ATF6: variants seen among roughly 807,000 people sequenced by gnomAD.
ATF6 encodes the protein activating transcription factor 6.
In ATF6, 53 loss-of-function variants were observed where a neutral mutation model predicts 83.6. The ratio of observed to expected loss-of-function variants is 0.63; its 90% CI spans 0.51 to 0.80. The LOEUF is 0.80. Among genes scored for constraint, ATF6 ranks in the 30% least tolerant of loss-of-function variants. The pLI, the probability that ATF6 is intolerant of heterozygous loss-of-function variation, is 0.00. For synonymous variants in ATF6, 288 were observed against 285.8 expected (o/e 1.01, Z -0.08); for missense variants, 744 against 797.9 (o/e 0.93, Z 0.81).
At chr1:161,819,892 C>A in intron 8 of ATF6, 74 bp downstream of exon 8, 1 of 1,279,388 alleles carries the variant, frequency 7.8e-7, no homozygotes, top group Non-Finnish European at 1.0e-6. Context: ...GAAACTTTTA[C>A]ATTTTAAATT....
At chr1:161,851,186 C>A (rs1190071904) in intron 10 of ATF6, among the ~76,000 whole-genome samples, 1 of 138,926 alleles carries the variant, frequency 7.2e-6, no homozygotes, top group Non-Finnish European at 1.5e-5. Flanking sequence ...ACCTGTTTTA[C>A]AGATACTATC....
chr1:161,870,026 A>T (rs990614176), intron 14 of ATF6, among the ~76,000 whole-genome samples: 1 of 150,620 alleles, frequency 6.6e-6, no homozygotes, highest in African/African-American at 2.4e-5. Flanking sequence ...TAATACAGTG[A>T]TTTTTTTTTC....
intron 6 of ATF6, among the ~76,000 whole-genome samples, chr1:161,800,118 A>C (rs930452410): frequency 6.6e-6 from 1 of 152,134 alleles, no homozygotes; most frequent in Admixed American, 6.6e-5. Context: ...TTTTTAATAG[A>C]TTAGTGTTAT....
chr1:161,780,982 T>A (rs1684624606), intron 2 of ATF6, among the ~76,000 whole-genome samples: 1 of 152,222 alleles, frequency 6.6e-6, no homozygotes, highest in African/African-American at 2.4e-5. Context: ...TTATCATTTG[T>A]GACATTAAGT....
At chr1:161,767,917 G>A (rs1684304054) in intron 1 of ATF6, among the ~76,000 whole-genome samples, 1 of 152,092 alleles carries the variant, frequency 6.6e-6, no homozygotes, top group Non-Finnish European at 1.5e-5. Context: ...GTGTAATGGC[G>A]CAATCTTGGC....
chr1:161,775,634 G>C (rs1228555704), intron 1 of ATF6, among the ~76,000 whole-genome samples: 1 of 151,776 alleles, frequency 6.6e-6, no homozygotes, highest in Non-Finnish European at 1.5e-5. Context: ...ATTCATATTG[G>C]GGCCTTTGTT....
intron 14 of ATF6, among the ~76,000 whole-genome samples, chr1:161,895,656 G>A (rs1233078221): frequency 1.3e-5 from 2 of 152,190 alleles, no homozygotes. Context: ...CTGTGAGAAT[G>A]TCTAGATATT....
At chr1:161,845,242 G>A (rs1284262540) in intron 9 of ATF6, among the ~76,000 whole-genome samples, 2 of 152,110 alleles carry the variant, frequency 1.3e-5, no homozygotes, top group Non-Finnish European at 2.9e-5. Context: ...TCAAAGAACC[G>A]CTTTTCCTTT....
At chr1:161,768,686 C>A (rs1287724847) in intron 1 of ATF6, among the ~76,000 whole-genome samples, 4 of 152,116 alleles carry the variant, frequency 2.6e-5, no homozygotes, top group Admixed American at 1.3e-4. Flanking sequence ...ATCTGAGCCT[C>A]CTGAGTCGCT....
At chr1:161,812,480 C>T (rs1343961233) in intron 7 of ATF6, among the ~76,000 whole-genome samples, 2 of 132,958 alleles carry the variant, frequency 1.5e-5, no homozygotes, top group African/African-American at 2.7e-5. Flanking sequence ...GCAAGCTCCG[C>T]CTCCCGGGTT....
At chr1:161,841,356 C>G (rs923016354) in intron 9 of ATF6, among the ~76,000 whole-genome samples, 1 of 152,024 alleles carries the variant, frequency 6.6e-6, no homozygotes, top group Admixed American at 6.6e-5. Flanking sequence ...TCATAGAGTT[C>G]AAGTATTTAA....
At chr1:161,875,775 T>C (rs1341776230) in intron 14 of ATF6, among the ~76,000 whole-genome samples, 1 of 151,876 alleles carries the variant, frequency 6.6e-6, no homozygotes, top group African/African-American at 2.4e-5. Flanking sequence ...ACAAGTGGTT[T>C]TCCTCTAGAC....
intron 14 of ATF6, among the ~76,000 whole-genome samples, chr1:161,905,688 T>TA (rs1249183904): frequency 6.6e-6 from 1 of 152,228 alleles, no homozygotes; most frequent in Non-Finnish European, 1.5e-5. Flanking sequence ...CTCAACAAAT[T>TA]ACAATTGCTA....
At chr1:161,845,769 C>G (rs1160516936) in intron 9 of ATF6, among the ~76,000 whole-genome samples, 1 of 124,190 alleles carries the variant, frequency 8.1e-6, no homozygotes, top group African/African-American at 3.9e-5. Context: ...GAGTGAGACC[C>G]TGTCTCAAAA....
At chr1:161,883,441 G>GT (rs1371671799) in intron 14 of ATF6, among the ~76,000 whole-genome samples, 1 of 152,034 alleles carries the variant, frequency 6.6e-6, no homozygotes, top group Non-Finnish European at 1.5e-5. Flanking sequence ...AGAAAACTGA[G>GT]TAACAGCAGA....
chr1:161,770,836 A>G (rs4657104), intron 1 of ATF6, among the ~76,000 whole-genome samples: 18,040 of 152,206 alleles, frequency 0.12, 1,608 homozygotes, highest in East Asian at 0.31. Context: ...TTGTTTGGGT[A>G]AATATCAAGG....
chr1:161,892,744 C>A (rs981096262), intron 14 of ATF6, among the ~76,000 whole-genome samples: 16 of 149,828 alleles, frequency 1.1e-4, no homozygotes, highest in African/African-American at 3.9e-4. Flanking sequence ...TCAAGAGATT[C>A]TCCTGCCTCA....
chr1:161,805,665 TTAC>T (rs1329127567), intron 7 of ATF6, among the ~76,000 whole-genome samples: 1 of 152,160 alleles, frequency 6.6e-6, no homozygotes, highest in East Asian at 1.9e-4. Flanking sequence ...GACCTCAGTA[TTAC>T]ATGTGTCTGT....
chr1:161,947,065 T>A (rs1688761204), intron 15 of ATF6, among the ~76,000 whole-genome samples: 1 of 152,192 alleles, frequency 6.6e-6, no homozygotes, highest in South Asian at 2.1e-4. Flanking sequence ...CTAAGAGCAG[T>A]GATTTCCTTG....
Sources: allele counts gnomAD v4.1 joint callset (sites outside exome capture counted in the v4.1 genomes callset), GRCh38; gene constraint gnomAD v4.1.1; transcripts MANE v1.5; gene names NCBI Gene and HGNC (gene_info 2026-07-23, HGNC 2026-07-21).